NKAIN3: variants seen among roughly 807,000 people sequenced by gnomAD.
NKAIN3 encodes sodium/potassium-transporting ATPase subunit beta-1-interacting protein 3.
Under a neutral mutation model 30.2 loss-of-function variants are expected in NKAIN3, and 25 were observed. That is an observed-to-expected ratio of 0.83 (90% CI 0.60 to 1.16). The LOEUF is 1.16. NKAIN3 is among the 50% of genes most tolerant of loss of function. The probability of loss-of-function intolerance (pLI) is 0.00; values close to 1 mark genes in which losing one functional copy is unlikely to be tolerated. For missense variants in NKAIN3, 225 were observed against 254.1 expected (o/e 0.89, Z 0.78); for synonymous variants, 91 against 89.6 (o/e 1.02, Z -0.09).
Position 62,966,036 on chromosome 8 carries a change from GATAT to G in NKAIN3, c.*640_*643del. Reference sequence around the variant, plus strand: ...GATTCGTGCATATCTTGTTTTTCCTGATATATATATATATGTAGGCACATGGAAG... The same window carrying G: ...GATTCGTGCATATCTTGTTTTTCCTGATATATATATGTAGGCACATGGAAG... On this transcript the variant is annotated 3_prime_UTR_variant, in exon 7 of 7. Coordinates refer to ENST00000623646, the MANE Select transcript of NKAIN3 (RefSeq NM_001304533.3). The G allele has an allele frequency of 1.0e-6, 1 of 959,356 alleles. No homozygotes were observed. Among genetic ancestry groups the G allele is most frequent in the Non-Finnish European group, 1.2e-6 (1 of 807,026 alleles). 59.4% of individuals were successfully genotyped at this position (959,356 alleles called of 1,614,324 possible).
At chr8:62,397,705 A>G (rs1817808154) in intron 1 of NKAIN3, among the ~76,000 whole-genome samples, 1 of 152,194 alleles carries the variant, frequency 6.6e-6, no homozygotes, top group African/African-American at 2.4e-5. Context: ...GAGCGCCTAC[A>G]GATGCTGGTT....
intron 1 of NKAIN3, among the ~76,000 whole-genome samples, chr8:62,502,710 G>T (rs989351290): frequency 1.3e-5 from 2 of 152,080 alleles, no homozygotes; most frequent in South Asian, 2.1e-4. Flanking sequence ...AATTTGTATT[G>T]TATATACCAG....
Position 62,611,007 on chromosome 8 carries a change from A to G in NKAIN3, c.273+21213A>G, listed in dbSNP as rs550506009. 5.3e-5 allele frequency among the ~76,000 whole-genome samples: 8 copies of G among 152,230 alleles called. No individual in the cohort carries two copies. The East Asian group carries it at 1.4e-3, about 26-fold the overall frequency. ...TAGTTGATGTACTTCTAATAGATAC[A>G]TCTGAAATTTCAGTGGGGGAAAAAA... On this transcript the variant is annotated intron_variant, in intron 3 of 6. Coordinates refer to ENST00000623646, the MANE Select transcript of NKAIN3 (RefSeq NM_001304533.3).
At chr8:62,281,885 A>G (rs1416215408) in intron 1 of NKAIN3, among the ~76,000 whole-genome samples, 1 of 152,184 alleles carries the variant, frequency 6.6e-6, no homozygotes, top group East Asian at 1.9e-4. Flanking sequence ...TCTGATGACA[A>G]ATATCACAGG....
At chr8:62,543,174 G>T (rs1038962523) in intron 1 of NKAIN3, among the ~76,000 whole-genome samples, 4 of 152,098 alleles carry the variant, frequency 2.6e-5, no homozygotes, top group African/African-American at 9.7e-5. Context: ...AAGGATTCAG[G>T]CAAATCATCT....
chr8:62,517,194 G>A (rs1026000531), intron 1 of NKAIN3, among the ~76,000 whole-genome samples: 2 of 151,914 alleles, frequency 1.3e-5, no homozygotes, highest in African/African-American at 2.4e-5. Context: ...TATTTTTCTT[G>A]CATAATCATA....
chr8:62,391,688 A>C (rs6472026), intron 1 of NKAIN3, among the ~76,000 whole-genome samples: 108,749 of 151,854 alleles, frequency 0.72, 39,182 homozygotes, highest in Non-Finnish European at 0.74. Flanking sequence ...TAAGTAAGGG[A>C]AAATGGCAGT....
At chr8:62,814,529 G>A (rs908457878) in intron 4 of NKAIN3, among the ~76,000 whole-genome samples, 1 of 151,860 alleles carries the variant, frequency 6.6e-6, no homozygotes, top group Non-Finnish European at 1.5e-5. Context: ...ATAACAAACT[G>A]TCTCTCAGAC....
intron 4 of NKAIN3, among the ~76,000 whole-genome samples, chr8:62,914,244 C>T (rs1031192382): frequency 5.9e-5 from 9 of 152,132 alleles, no homozygotes; most frequent in African/African-American, 1.9e-4. Context: ...AATGCAGGAA[C>T]AGGAAACCAA....
intron 3 of NKAIN3, among the ~76,000 whole-genome samples, chr8:62,744,162 T>G (rs1027955948): frequency 6.6e-6 from 1 of 152,184 alleles, no homozygotes; most frequent in Admixed American, 6.5e-5. Context: ...TCTGAAGTTC[T>G]TCCAGTGTCC....
chr8:62,609,047 A>G (rs1272164231), intron 3 of NKAIN3, among the ~76,000 whole-genome samples: 7 of 151,808 alleles, frequency 4.6e-5, no homozygotes, highest in Non-Finnish European at 1.0e-4. Flanking sequence ...ATTAATCTCT[A>G]AGTCTAAACT....
intron 1 of NKAIN3, among the ~76,000 whole-genome samples, chr8:62,463,857 T>A (rs1453274193): frequency 6.6e-6 from 1 of 152,166 alleles, no homozygotes; most frequent in East Asian, 1.9e-4. Flanking sequence ...CTGTAATTAG[T>A]TATATAAATA....
intron 4 of NKAIN3, among the ~76,000 whole-genome samples, chr8:62,834,214 A>G (rs1382707973): frequency 2.0e-5 from 3 of 152,144 alleles, no homozygotes; most frequent in African/African-American, 7.2e-5. Flanking sequence ...CCCACAGCCA[A>G]CATCATACTG....
intron 1 of NKAIN3, among the ~76,000 whole-genome samples, chr8:62,398,869 A>T (rs2129595088): frequency 6.6e-6 from 1 of 152,338 alleles, no homozygotes; most frequent in South Asian, 2.1e-4. Flanking sequence ...AGGCAGGCAG[A>T]TCACGAGGTC....
intron 4 of NKAIN3, among the ~76,000 whole-genome samples, chr8:62,804,460 G>A (rs143247363): frequency 0.02 from 3,055 of 152,304 alleles, 112 homozygotes; most frequent in African/African-American, 0.07. Context: ...CCACGATCAA[G>A]TGGACTTCAT....
chr8:62,436,104 C>A (rs1805166296), intron 1 of NKAIN3, among the ~76,000 whole-genome samples: 1 of 152,120 alleles, frequency 6.6e-6, no homozygotes, highest in Non-Finnish European at 1.5e-5. Flanking sequence ...AGTATGTGAA[C>A]ATTTTTAAAA....
intron 5 of NKAIN3, chr8:62,990,511 T>A: frequency 2.6e-6 from 1 of 385,606 alleles, no homozygotes; most frequent in Non-Finnish European, 3.8e-6. Flanking sequence ...GAATTTCCAC[T>A]AAATTCACCA....
chr8:62,919,583 T>G (rs1822215561), intron 5 of NKAIN3, among the ~76,000 whole-genome samples: 1 of 152,204 alleles, frequency 6.6e-6, no homozygotes, highest in Admixed American at 6.5e-5. Context: ...AATTTTAATT[T>G]ACTTTCAAAA....
At chr8:62,890,359 G>A (rs2130824157) in intron 4 of NKAIN3, among the ~76,000 whole-genome samples, 1 of 152,288 alleles carries the variant, frequency 6.6e-6, no homozygotes, top group South Asian at 2.1e-4. Flanking sequence ...TAGCTAATTT[G>A]AGCAACAATG....
Sources: gnomAD v4.1 joint callset for allele counts (sites outside exome capture counted in the v4.1 genomes callset) on GRCh38, gnomAD v4.1.1 for gene constraint, MANE v1.5 for transcripts, NCBI Gene and HGNC (gene_info 2026-07-23, HGNC 2026-07-21) for gene names.